ASIC2: variants seen among roughly 807,000 people sequenced by gnomAD.
ASIC2 encodes the protein acid-sensing ion channel 2.
ASIC2 carries 25 observed loss-of-function variants against 57.3 expected under a neutral mutation model. The ratio of observed to expected loss-of-function variants is 0.44; its 90% CI spans 0.32 to 0.61. The LOEUF is 0.61. ASIC2 is among the 20% of genes least tolerant of loss of function. ASIC2 has a pLI of 0.06. For synonymous variants in ASIC2, 319 were observed against 307.5 expected (o/e 1.04, Z -0.39); for missense variants, 641 against 738.1 (o/e 0.87, Z 1.52).
intron 1 of ASIC2, chr17:34,002,653 C>T (rs1906383916): frequency 6.6e-6 from 1 of 152,148 alleles, no homozygotes; most frequent in Non-Finnish European, 1.5e-5. Flanking sequence ...TTCCTCAGTC[C>T]AAGGGAAACT....
At chr17:34,075,718 G>A (rs571316361) in intron 1 of ASIC2, among the ~76,000 whole-genome samples, 12 of 151,284 alleles carry the variant, frequency 7.9e-5, no homozygotes, top group Non-Finnish European at 1.3e-4. Flanking sequence ...TTCCTCAGCC[G>A]TCCCAGTCAC....
chr17:34,098,033 T>C (rs1910609214), intron 1 of ASIC2, among the ~76,000 whole-genome samples: 1 of 152,042 alleles, frequency 6.6e-6, no homozygotes, highest in Non-Finnish European at 1.5e-5. Context: ...CATTTTGTCA[T>C]GCATTGCTTT....
chr17:33,418,958 G>T (rs192776135), intron 1 of ASIC2, among the ~76,000 whole-genome samples: 6 of 151,824 alleles, frequency 4.0e-5, no homozygotes, highest in Non-Finnish European at 7.4e-5. Context: ...TGTCAGGGGT[G>T]GGGGGCTGGG....
At chr17:33,103,136 C>T (rs376499366) in intron 2 of ASIC2, among the ~76,000 whole-genome samples, 1 of 152,090 alleles carries the variant, frequency 6.6e-6, no homozygotes. Flanking sequence ...TAATAGCATC[C>T]TATGCTTGTG....
chr17:33,904,805 T>G (rs774224907), intron 1 of ASIC2, among the ~76,000 whole-genome samples: 9 of 152,232 alleles, frequency 5.9e-5, no homozygotes, highest in Non-Finnish European at 1.0e-4. Context: ...TTCCTTAAAG[T>G]TGATTTAGGA....
intron 1 of ASIC2, among the ~76,000 whole-genome samples, chr17:34,104,814 T>G (rs1910985981): frequency 7.1e-6 from 1 of 140,626 alleles, no homozygotes; most frequent in Non-Finnish European, 1.5e-5. Context: ...AGATAAAATT[T>G]AATTGGTTAT....
chr17:33,496,102 G>A (rs892682526), intron 1 of ASIC2, among the ~76,000 whole-genome samples: 6 of 152,174 alleles, frequency 3.9e-5, no homozygotes, highest in African/African-American at 9.7e-5. Context: ...CCACCTGATC[G>A]GCTTTATAAG....
At chr17:33,017,354 A>C (rs2091811999) in intron 8 of ASIC2, among the ~76,000 whole-genome samples, 1 of 152,116 alleles carries the variant, frequency 6.6e-6, no homozygotes, top group African/African-American at 2.4e-5. Context: ...GCCAGTGTAG[A>C]TGGCCCAGTG....
chr17:33,417,379 T>A (rs755470682), intron 1 of ASIC2, among the ~76,000 whole-genome samples: 1 of 152,190 alleles, frequency 6.6e-6, no homozygotes, highest in Non-Finnish European at 1.5e-5. Context: ...TATGGAATAA[T>A]CTATTGCAAG....
intron 1 of ASIC2, among the ~76,000 whole-genome samples, chr17:33,818,203 T>C (rs1912643982): frequency 6.6e-6 from 1 of 152,168 alleles, no homozygotes; most frequent in Non-Finnish European, 1.5e-5. Context: ...GGAAAAACAT[T>C]GTTGCAGCCA....
intron 1 of ASIC2, among the ~76,000 whole-genome samples, chr17:34,123,612 T>C (rs1295779976): frequency 6.6e-6 from 1 of 152,192 alleles, no homozygotes; most frequent in Non-Finnish European, 1.5e-5. Flanking sequence ...TACAACCAGA[T>C]AGTCTAGGTC....
chr17:33,864,656 G>T (rs917113694), intron 1 of ASIC2, among the ~76,000 whole-genome samples: 4 of 152,320 alleles, frequency 2.6e-5, no homozygotes, highest in Admixed American at 6.5e-5. Context: ...CAGCGAACAG[G>T]TACCCTATGC....
intron 3 of ASIC2, among the ~76,000 whole-genome samples, chr17:33,072,809 G>A (rs1314945426): frequency 6.6e-6 from 1 of 152,128 alleles, no homozygotes; most frequent in East Asian, 1.9e-4. Context: ...CACCAGGCAG[G>A]GGCCTTAGCT....
At chr17:33,513,654 T>C (rs1914487327) in intron 1 of ASIC2, among the ~76,000 whole-genome samples, 1 of 152,182 alleles carries the variant, frequency 6.6e-6, no homozygotes, top group African/African-American at 2.4e-5. Flanking sequence ...CAGTAAGAGG[T>C]GAGAGGAAGT....
intron 1 of ASIC2, among the ~76,000 whole-genome samples, chr17:33,634,573 T>TAGTGC (rs749501458): frequency 1.7e-4 from 25 of 148,636 alleles, no homozygotes; most frequent in Non-Finnish European, 3.4e-4. Flanking sequence ...TGGAGTGCAG[T>TAGTGC]AGTGCGATCT....
At chr17:33,944,610 G>T (rs1916266352) in intron 1 of ASIC2, among the ~76,000 whole-genome samples, 1 of 152,232 alleles carries the variant, frequency 6.6e-6, no homozygotes, top group South Asian at 2.1e-4. Context: ...AGGAGCGTGT[G>T]ATGTGGGCTA....
chr17:33,634,637 T>A (rs1421016810), intron 1 of ASIC2: 1 of 150,254 alleles, frequency 6.7e-6, no homozygotes, highest in Non-Finnish European at 1.5e-5. Context: ...TGCCTCAGCC[T>A]CCTGAGTAGC....
chr17:33,732,516 T>C (rs1012237809), intron 1 of ASIC2, among the ~76,000 whole-genome samples: 1 of 151,970 alleles, frequency 6.6e-6, no homozygotes, highest in South Asian at 2.1e-4. Context: ...TTTTTTTTTT[T>C]TTTTTTAAGA....
At position 33,154,587 on chromosome 17, in the gene ASIC2, C is replaced by G. The variant is rs571900129; in HGVS notation, c.709-42520G>C. On this transcript the variant is annotated intron_variant, in intron 1 of 9. Transcript: ENST00000225823. Reference sequence around the variant, plus strand: ...AGGCCACACAGCACAGTAGCCATGCCGGAATGAAACCTAGGCCTACTGAGT... The same window carrying G: ...AGGCCACACAGCACAGTAGCCATGCGGGAATGAAACCTAGGCCTACTGAGT... 8.5e-5 allele frequency among the ~76,000 whole-genome samples: 13 copies of G among 152,224 alleles called. No individual in the cohort carries two copies. In the South Asian group the frequency reaches 2.7e-3, roughly 32 times the overall value.
Sources: allele counts gnomAD v4.1 joint callset (sites outside exome capture counted in the v4.1 genomes callset), GRCh38; gene constraint gnomAD v4.1.1; transcripts MANE v1.5; gene names NCBI Gene and HGNC (gene_info 2026-07-23, HGNC 2026-07-21).